Variants in FBLIM1 observed in about 807,000 individuals in gnomAD.
The protein encoded by FBLIM1 is filamin-binding LIM protein 1.
Under a neutral mutation model 37.4 loss-of-function variants are expected in FBLIM1, and 29 were observed. The ratio of observed to expected loss-of-function variants is 0.77; its 90% CI spans 0.58 to 1.06. The LOEUF is 1.06. FBLIM1 is among the 50% of genes least tolerant of loss of function. FBLIM1 has a pLI of 0.00. For missense variants in FBLIM1, 449 were observed against 505.6 expected (o/e 0.89, Z 1.07); for synonymous variants, 193 against 199.0 (o/e 0.97, Z 0.25).
chr1:15,771,262 T>G (rs2148576550), intron 6 of FBLIM1, among the ~76,000 whole-genome samples: 1 of 151,116 alleles, frequency 6.6e-6, no homozygotes, highest in Non-Finnish European at 1.5e-5. Context: ...TTTTTTTTTT[T>G]TTAAGATGGA....
At chr1:15,757,394 A>G (rs938807834), upstream of FBLIM1, among the ~76,000 whole-genome samples, 2 of 152,240 alleles carry the variant, frequency 1.3e-5, no homozygotes, top group South Asian at 2.1e-4. This position sits in a 1 kb window ranked among gnomAD's most constrained non-coding sequence, Gnocchi z 4.1. Context: ...CCTGGTGCTC[A>G]TGGCTCTTGT....
intron 7 of FBLIM1, among the ~76,000 whole-genome samples, chr1:15,775,674 A>G (rs1260000167): frequency 1.3e-5 from 2 of 152,078 alleles, no homozygotes; most frequent in Non-Finnish European, 2.9e-5. Flanking sequence ...GAACCCCCAC[A>G]TGTTCAGCCA....
Position 15,777,171 on chromosome 1 carries a change from A to C in FBLIM1, c.892A>C (p.Lys298Gln), listed in dbSNP as rs2069518339. Residue 298 changes from lysine to glutamine, a missense_variant and splice_region_variant, in exon 8 of 9, where the codon AAA (lysine) becomes CAA (glutamine). By Grantham distance (53) the Lys-to-Gln change is moderately conservative. Transcript: ENST00000375766. ...EVYCLDDFYRKFAPVCSICEN... is the reference protein window; with the variant it reads ...EVYCLDDFYRQFAPVCSICEN... The stretch of plus-strand genomic sequence containing the variant: ...AAGCATGGGTTCCTTTGCTTCTAGG[A>C]AATTCGCCCCCGTCTGCAGCATCTG... The C allele has an allele frequency of 6.3e-7, 1 of 1,598,090 alleles. No homozygotes were observed. The highest frequency in any genetic ancestry group is 8.6e-7 in the Non-Finnish European group (1 of 1,168,168).
At chr1:15,771,183 C>T (rs558039610) in intron 6 of FBLIM1, among the ~76,000 whole-genome samples, 7 of 149,876 alleles carry the variant, frequency 4.7e-5, no homozygotes, top group African/African-American at 1.7e-4. Context: ...CGTGAGCCAC[C>T]CACCTCGACC....
chr1:15,771,877 T>C (rs2069233647), intron 6 of FBLIM1, among the ~76,000 whole-genome samples: 2 of 151,312 alleles, frequency 1.3e-5, no homozygotes, highest in Admixed American at 1.3e-4. Context: ...CCCATCTGGC[T>C]CTGGAGCCTG....
intron 6 of FBLIM1, among the ~76,000 whole-genome samples, chr1:15,771,681 C>G (rs890896708): frequency 6.6e-6 from 1 of 151,994 alleles, no homozygotes; most frequent in Non-Finnish European, 1.5e-5. Context: ...CATTTAGGAC[C>G]CACCTGGATA....
At chr1:15,778,759 G>A (rs1231589504) in intron 8 of FBLIM1, among the ~76,000 whole-genome samples, 1 of 151,876 alleles carries the variant, frequency 6.6e-6, no homozygotes, top group East Asian at 1.9e-4. Flanking sequence ...CCCTGCCTCA[G>A]CCTCCCGAGT....
At chr1:15,774,234 A>G (rs572125211) in intron 6 of FBLIM1, among the ~76,000 whole-genome samples, 1 of 150,932 alleles carries the variant, frequency 6.6e-6, no homozygotes, top group East Asian at 2.0e-4. Context: ...CAAATGGAAA[A>G]GGGAAAGAAT....
At chr1:15,757,035 G>A (rs1307365504), upstream of FBLIM1, among the ~76,000 whole-genome samples, 2 of 152,188 alleles carry the variant, frequency 1.3e-5, no homozygotes, top group Admixed American at 6.5e-5. The surrounding 1 kb of genome is among the most constrained non-coding windows in gnomAD (Gnocchi z 4.1). Flanking sequence ...AGTCCTTCCC[G>A]TCTCTGTCGT....
intron 3 of FBLIM1, among the ~76,000 whole-genome samples, chr1:15,766,071 C>T (rs2068903644): frequency 6.6e-6 from 1 of 152,164 alleles, no homozygotes; most frequent in Admixed American, 6.5e-5. Context: ...ATCTCTGATT[C>T]AGCAGATCTG....
At chr1:15,768,126 G>C (rs563069497) in intron 4 of FBLIM1, among the ~76,000 whole-genome samples, 65 of 152,132 alleles carry the variant, frequency 4.3e-4, no homozygotes, top group Admixed American at 7.2e-4. Flanking sequence ...CACGTGATCC[G>C]CATGGCTCGG....
In FBLIM1 at chr1:15,777,231, G is replaced by A. The variant is rs747737975; in HGVS notation, c.952G>A (p.Ala318Thr). Residue 318 changes from alanine to threonine, a missense_variant, in exon 8 of 9, where the codon GCC becomes ACC. By Grantham distance (58) the Ala-to-Thr change is moderately conservative. Coordinates refer to ENST00000375766, the MANE Select transcript of FBLIM1 (RefSeq NM_017556.4). Reference protein sequence around the residue: ...NPIIPRDGKDAFKIECMGRNF... With the variant: ...NPIIPRDGKDTFKIECMGRNF... ...CATCATCCCTCGGGATGGGAAAGATGCCTTCAAAATCGAATGCATGGGAAG... is the reference window on the plus strand; with the variant it reads ...CATCATCCCTCGGGATGGGAAAGATACCTTCAAAATCGAATGCATGGGAAG... 1.2e-6 allele frequency: 2 copies of A among 1,613,450 alleles called. No homozygotes were observed. The highest frequency in any genetic ancestry group is 2.2e-5 in the East Asian group (1 of 44,852).
At chr1:15,769,879 C>G (rs1017576865) in intron 5 of FBLIM1, among the ~76,000 whole-genome samples, 1 of 151,924 alleles carries the variant, frequency 6.6e-6, no homozygotes, top group African/African-American at 2.4e-5. Context: ...GTGATCCGCC[C>G]ACCTCGGCAT....
At chr1:15,766,577 G>A (rs1396453630) in intron 3 of FBLIM1, among the ~76,000 whole-genome samples, 3 of 151,374 alleles carry the variant, frequency 2.0e-5, no homozygotes, top group African/African-American at 4.9e-5. Flanking sequence ...GATTACAGGC[G>A]TGAGCCACCG....
In FBLIM1 at chr1:15,765,667, G is replaced by C. The variant is rs1407324091; in HGVS notation, c.250+434G>C. 6.6e-6 allele frequency among the ~76,000 whole-genome samples: 1 copy of C among 152,088 alleles called. No individual in the cohort carries two copies. The highest frequency in any genetic ancestry group is 2.4e-5 in the African/African-American group (1 of 41,418). On this transcript the variant is annotated intron_variant, in intron 3 of 8. Transcript: ENST00000375766. This position sits in a 1 kb window ranked among gnomAD's most constrained non-coding sequence, Gnocchi z 5.9. The stretch of plus-strand genomic sequence containing the variant: ...CCTGGTCTGACTGCAGGACACAAAG[G>C]CTGGCCCCGGGCCCTGGGGATGCTG...
chr1:15,776,833 G>T (rs1007894428), intron 7 of FBLIM1, among the ~76,000 whole-genome samples: 49 of 137,732 alleles, frequency 3.6e-4, no homozygotes, highest in Non-Finnish European at 5.3e-4. Flanking sequence ...TTGCACTCCA[G>T]CCTGGGTGAC....
chr1:15,770,926 T>C (rs987763122), intron 6 of FBLIM1, among the ~76,000 whole-genome samples: 8 of 152,118 alleles, frequency 5.3e-5, no homozygotes, highest in African/African-American at 1.4e-4. Context: ...AATTTCTTTT[T>C]TTCTTCTTCT....
upstream of FBLIM1, chr1:15,756,833 C>A (rs561783840): frequency 2.6e-5 from 4 of 152,386 alleles, no homozygotes; most frequent in African/African-American, 9.6e-5. Flanking sequence ...TTGAACAAGG[C>A]CCCAAATCAA....
chr1:15,758,958 A>T lies in FBLIM1; in HGVS notation c.-211+110A>T, dbSNP rs1360456484. The stretch of plus-strand genomic sequence containing the variant: ...GGAGCCTGCTCGGTCGCCAGCCGGG[A>T]CCCCCGGCGCGGCGCCCCTGGAGGG... On this transcript the variant is annotated intron_variant, in intron 1 of 8. Transcript: ENST00000375766. This position sits in a 1 kb window ranked among gnomAD's most constrained non-coding sequence, Gnocchi z 6.2. The T allele has an allele frequency of 6.6e-6, 1 of 151,822 alleles. No homozygotes were observed. Among genetic ancestry groups the T allele is most frequent in the Non-Finnish European group, 1.5e-5 (1 of 67,972 alleles). 9.4% of individuals were successfully genotyped at this position (151,822 alleles called of 1,614,324 possible).
Sources: allele counts gnomAD v4.1 joint callset (sites outside exome capture counted in the v4.1 genomes callset), GRCh38; gene constraint gnomAD v4.1.1; non-coding constraint Gnocchi (gnomAD v3.1); transcripts MANE v1.5; gene names NCBI Gene and HGNC (gene_info 2026-07-23, HGNC 2026-07-21).